The following CNOT6 variants were observed in gnomAD, a reference collection of about 807,000 sequenced individuals.
CNOT6 encodes the protein carbon catabolite repression 4 protein.
A neutral mutation model predicts 61.2 loss-of-function variants in CNOT6; 12 were observed. The ratio of observed to expected loss-of-function variants is 0.20; its 90% CI spans 0.13 to 0.32. The LOEUF is 0.32. Ranked by LOEUF, CNOT6 falls within the 10% of genes least tolerant of loss-of-function variation. CNOT6 has a pLI of 1.00. For synonymous variants in CNOT6, 225 were observed against 240.6 expected, an observed-to-expected ratio of 0.94 and a Z score of 0.60; for missense variants, 405 against 663.9, an observed-to-expected ratio of 0.61 and a Z score of 4.28.
chr5:180,505,303 T>C, intron 1 of CNOT6, among the ~76,000 whole-genome samples: 1 of 112,132 alleles, frequency 8.9e-6, no homozygotes, highest in Non-Finnish European at 1.8e-5. Flanking sequence ...TCGCCCAGTC[T>C]GGACTGCAGT....
At chr5:180,524,738 G>A (rs1383120772) in intron 1 of CNOT6, among the ~76,000 whole-genome samples, 1 of 152,206 alleles carries the variant, frequency 6.6e-6, no homozygotes, top group Admixed American at 6.5e-5. Context: ...ACATGAGATT[G>A]ATAAATCAGA....
At chr5:180,545,622 G>C (rs1759278630) in intron 2 of CNOT6, among the ~76,000 whole-genome samples, 1 of 152,052 alleles carries the variant, frequency 6.6e-6, no homozygotes, top group South Asian at 2.1e-4. Context: ...TTGTTCTCCT[G>C]TTGAACACAC....
chr5:180,509,766 G>C (rs1409486443), intron 1 of CNOT6, among the ~76,000 whole-genome samples: 1 of 150,790 alleles, frequency 6.6e-6, no homozygotes, highest in Non-Finnish European at 1.5e-5. Context: ...GCCCAGTCTG[G>C]AACTCCTGGG....
rs552397225 is a variant in CNOT6, at chr5:180,531,345, C to T, written c.112+1957C>T. On this transcript the variant is annotated intron_variant, in intron 2 of 11. Transcript: ENST00000261951. ...GCAGAGACACTCCTCAGTTCCCAGA[C>T]GGGGTCACGGCCGGGCAGAGGCGCT... is the stretch of plus-strand genomic sequence containing the variant. 2.3e-4 allele frequency among the ~76,000 whole-genome samples: 35 copies of T among 149,978 alleles called. 1 individual carries two copies. The South Asian group carries it at 6.2e-3, about 26-fold the overall frequency.
At chr5:180,566,297 CA>C (rs1760452000) in intron 7 of CNOT6, among the ~76,000 whole-genome samples, 1 of 152,212 alleles carries the variant, frequency 6.6e-6, no homozygotes, top group African/African-American at 2.4e-5. Flanking sequence ...CTATAACTTG[CA>C]TTGCCGACCA....
intron 1 of CNOT6, among the ~76,000 whole-genome samples, chr5:180,518,448 A>G (rs949736451): frequency 6.6e-6 from 1 of 152,030 alleles, no homozygotes; most frequent in Non-Finnish European, 1.5e-5. Flanking sequence ...GATAGAAATA[A>G]ATTAAATCAC....
chr5:180,501,719 C>T (rs997984475), intron 1 of CNOT6, among the ~76,000 whole-genome samples: 1 of 152,100 alleles, frequency 6.6e-6, no homozygotes, highest in Non-Finnish European at 1.5e-5. Flanking sequence ...ACTAAGGGAA[C>T]CCTAAGGAAC....
Position 180,564,500 on chromosome 5 carries a change from A to G in CNOT6, c.397A>G (p.Thr133Ala). ...AAAAATATTTCCAGGAAATCCCCTT[A>G]CCCAGGATATATTGAACCTTTATCA... ...QTLGLKGNPL[T>A]QDILNLYQEP... The change falls in exon 5 of 12, where the codon ACC (threonine) becomes GCC (alanine). Residue 133 changes from threonine to alanine, a missense_variant. This residue lies in a region of CNOT6 where 212 missense variants were observed against 307.1 expected (regional missense o/e 0.69). Transcript: ENST00000261951. 6.2e-7 allele frequency: 1 copy of G among 1,610,266 alleles called. No homozygotes were observed. The highest frequency in any genetic ancestry group is 8.5e-7 in the Non-Finnish European group (1 of 1,176,612).
chr5:180,543,002 A>G (rs1759121226), intron 2 of CNOT6, among the ~76,000 whole-genome samples: 1 of 152,122 alleles, frequency 6.6e-6, no homozygotes, highest in Admixed American at 6.5e-5. Flanking sequence ...CTAGTACATT[A>G]TGTTCTTTTA....
intron 4 of CNOT6, among the ~76,000 whole-genome samples, chr5:180,556,978 A>G (rs1182471337): frequency 1.3e-5 from 2 of 151,914 alleles, no homozygotes; most frequent in African/African-American, 2.4e-5. Context: ...AAAGAATGCT[A>G]CTGAATGGAA....
intron 1 of CNOT6, among the ~76,000 whole-genome samples, chr5:180,516,651 C>T (rs1438336630): frequency 6.6e-6 from 1 of 152,200 alleles, no homozygotes; most frequent in African/African-American, 2.4e-5. Context: ...TCACGCAAAT[C>T]ACTAATGTAA....
intron 1 of CNOT6, among the ~76,000 whole-genome samples, chr5:180,506,969 C>T (rs1192525568): frequency 2.0e-5 from 3 of 152,126 alleles, no homozygotes; most frequent in South Asian, 2.1e-4. Flanking sequence ...TTAATGAATA[C>T]AACAGTAGAC....
At chr5:180,555,759 A>G (rs1166058009) in intron 4 of CNOT6, among the ~76,000 whole-genome samples, 2 of 152,190 alleles carry the variant, frequency 1.3e-5, no homozygotes, top group East Asian at 3.8e-4. Context: ...AGAGAAAATA[A>G]TATCACTTAG....
chr5:180,536,301 G>T (rs1444001890), intron 2 of CNOT6, among the ~76,000 whole-genome samples: 1 of 151,910 alleles, frequency 6.6e-6, no homozygotes, highest in East Asian at 1.9e-4. Context: ...GCCTGGCCTA[G>T]GGTTGTTTTT....
rs982849158 is a variant in CNOT6 at position 180,577,204 on chromosome 5, G to A, written c.*3004G>A. 1.3e-5 allele frequency: 1 copy of A among 79,282 alleles called. No homozygotes were observed. Among genetic ancestry groups the A allele is most frequent in the African/African-American group, 3.8e-5 (1 of 26,074 alleles). 4.9% of individuals were successfully genotyped at this position (79,282 alleles called of 1,614,324 possible). On this transcript the variant is annotated 3_prime_UTR_variant, in exon 12 of 12. Transcript: ENST00000261951. ...GTGTGTGTGTGTGTGTGTTTAATAT[G>A]ATTTAGTGACAACCAGGAAAACTTA...
chr5:180,564,772 AT>A (rs1310513410), intron 6 of CNOT6, 29 bp downstream of exon 6: 1 of 1,529,986 alleles, frequency 6.5e-7, no homozygotes, highest in Non-Finnish European at 9.1e-7. Context: ...TTTAACTGTT[AT>A]TTTTGCTCAG....
At position 180,498,203 on chromosome 5, in the gene CNOT6, C is replaced by T. The variant is rs192864787; in HGVS notation, c.-3+3440C>T. ...CAAGATGAGGACTCATTTAGGCTGT[C>T]TCCACTTCGCTCTTCTCTGTCCTTC... On this transcript the variant is annotated intron_variant, in intron 1 of 11. Coordinates refer to ENST00000261951, the MANE Select transcript of CNOT6 (RefSeq NM_001370472.1). Among the ~76,000 whole-genome samples, 403 of 152,260 alleles carry T rather than the reference C, an allele frequency of 2.6e-3. 1 individual carries two copies. The highest frequency in any genetic ancestry group is 3.9e-3 in the Non-Finnish European group (266 of 68,032).
chr5:180,501,914 G>C (rs1288895557), intron 1 of CNOT6, among the ~76,000 whole-genome samples: 2 of 152,168 alleles, frequency 1.3e-5, no homozygotes, highest in Non-Finnish European at 2.9e-5. Context: ...GATTTGACAG[G>C]TGGGGGAATG....
At chr5:180,532,490 GA>G (rs1055868632) in intron 2 of CNOT6, among the ~76,000 whole-genome samples, 2 of 152,036 alleles carry the variant, frequency 1.3e-5, no homozygotes, top group Non-Finnish European at 2.9e-5. Context: ...CACATATAGG[GA>G]AAAACCCTCA....
Sources: allele counts gnomAD v4.1 joint callset (sites outside exome capture counted in the v4.1 genomes callset), GRCh38; gene constraint gnomAD v4.1.1; regional missense constraint gnomAD v4.1.1; transcripts MANE v1.5; gene names NCBI Gene and HGNC (gene_info 2026-07-23, HGNC 2026-07-21).